Variants in DNAH6 observed in about 807,000 individuals in gnomAD.
DNAH6 encodes dynein axonemal heavy chain 6, also known as axonemal beta dynein heavy chain 6.
In DNAH6, 340 loss-of-function variants were observed where a neutral mutation model predicts 491.4. The observed-to-expected ratio is 0.69, with a 90% CI of 0.63 to 0.76. The LOEUF (loss-of-function observed/expected upper bound fraction) is 0.76, where lower values mean the gene tolerates loss of function less well. Ranked by LOEUF, DNAH6 falls within the 30% of genes least tolerant of loss-of-function variation. The pLI is 0.00. For missense variants in DNAH6, 4,443 were observed against 4,972.2 expected (o/e 0.89, Z 3.20); for synonymous variants, 1,603 against 1,686.1 (o/e 0.95, Z 1.21).
intron 70 of DNAH6, among the ~76,000 whole-genome samples, chr2:84,799,621 C>T (rs182044675): frequency 9.1e-4 from 139 of 152,368 alleles, no homozygotes; most frequent in Non-Finnish European, 1.8e-3. Flanking sequence ...ACATACTCCA[C>T]AACTCACTCT....
chr2:84,751,553 G>A (rs940535409), intron 63 of DNAH6, among the ~76,000 whole-genome samples: 11 of 152,268 alleles, frequency 7.2e-5, no homozygotes, highest in African/African-American at 2.4e-4. Flanking sequence ...ACTGCAACAG[G>A]AAATAGAATG....
chr2:84,516,193 A>T (rs1376009339), upstream of DNAH6, among the ~76,000 whole-genome samples: 1 of 152,196 alleles, frequency 6.6e-6, no homozygotes, highest in Non-Finnish European at 1.5e-5. Context: ...TTCCTGTAAG[A>T]GGTTGAGATG....
intron 41 of DNAH6, among the ~76,000 whole-genome samples, chr2:84,680,585 G>A (rs1286907380): frequency 6.6e-6 from 1 of 151,996 alleles, no homozygotes; most frequent in Non-Finnish European, 1.5e-5. Flanking sequence ...CCTGAGGTGG[G>A]AAGGAGTGTG....
chr2:84,481,506 C>T, the DNAH6 span, among the ~76,000 whole-genome samples: 3 of 152,302 alleles, frequency 2.0e-5, no homozygotes, highest in Non-Finnish European at 2.9e-5. Flanking sequence ...ATCAACAGTT[C>T]GGAACTCAGA....
At chr2:84,711,139 G>A (rs1697005269) in intron 56 of DNAH6, among the ~76,000 whole-genome samples, 1 of 152,096 alleles carries the variant, frequency 6.6e-6, no homozygotes, top group Admixed American at 6.6e-5. Flanking sequence ...GGTAAAGAGG[G>A]GGCTGGGATA....
chr2:84,801,107 G>T (rs1678854776), intron 70 of DNAH6, among the ~76,000 whole-genome samples: 2 of 98,886 alleles, frequency 2.0e-5, no homozygotes, highest in Non-Finnish European at 1.9e-5. Context: ...GGGGTGGGGG[G>T]AGGGGGGAGG....
intron 63 of DNAH6, among the ~76,000 whole-genome samples, chr2:84,749,096 T>C (rs1449496929): frequency 6.6e-6 from 1 of 152,216 alleles, no homozygotes; most frequent in Non-Finnish European, 1.5e-5. Context: ...TCCACCTCCA[T>C]GACCCAAACA....
intron 74 of DNAH6, 138 bp downstream of exon 74, chr2:84,813,268 C>A: frequency 1.5e-6 from 1 of 667,748 alleles, no homozygotes; most frequent in South Asian, 1.9e-5. Flanking sequence ...CTAACAAGGT[C>A]GTGCTCTTCC....
Position 84,812,289 on chromosome 2 carries a change from C to T in DNAH6, c.11740-52C>T. ...TGCTGTCATTAATGTGTGTCACTGA[C>T]ACTGGATAATGACATCTGCAAAGGC... On this transcript the variant is annotated intron_variant, in intron 72 of 76. Transcript: ENST00000389394. 5 of 1,492,122 alleles carry T rather than the reference C, an allele frequency of 3.4e-6. No homozygotes were observed. In the South Asian group the frequency reaches 6.5e-5, roughly 19 times the overall value. The allele number at this position is 1,492,122 out of a possible 1,614,324, so 92.4% of individuals were successfully genotyped here.
chr2:84,784,657 A>G, intron 65 of DNAH6, 65 bp from the exon 66 acceptor site: 1 of 972,608 alleles, frequency 1.0e-6, no homozygotes, highest in Non-Finnish European at 1.6e-6. Flanking sequence ...ATCATGTCTT[A>G]TAGAAAAGTG....
intron 4 of DNAH6, among the ~76,000 whole-genome samples, chr2:84,531,175 G>A (rs1380498565): frequency 6.6e-6 from 1 of 152,118 alleles, no homozygotes; most frequent in East Asian, 1.9e-4. Flanking sequence ...TTTCTGATTA[G>A]CCTTTCCAAA....
chr2:84,643,082 A>G (rs1158878476), intron 33 of DNAH6, among the ~76,000 whole-genome samples: 1 of 152,034 alleles, frequency 6.6e-6, no homozygotes, highest in Non-Finnish European at 1.5e-5. Context: ...AATTTTCTCA[A>G]TGTTTATTTG....
At chr2:84,488,714 A>T in the DNAH6 span, among the ~76,000 whole-genome samples, 1 of 152,166 alleles carries the variant, frequency 6.6e-6, no homozygotes, top group Non-Finnish European at 1.5e-5. Context: ...CAAGATCCTT[A>T]CTTTAATCAC....
At chr2:84,493,113 G>A in the DNAH6 span, among the ~76,000 whole-genome samples, 3 of 151,780 alleles carry the variant, frequency 2.0e-5, no homozygotes, top group Non-Finnish European at 4.4e-5. Flanking sequence ...TATTTTAAAG[G>A]GGCATGGCTA....
intron 40 of DNAH6, among the ~76,000 whole-genome samples, chr2:84,673,046 CAG>C (rs1346943838): frequency 3.3e-5 from 5 of 152,044 alleles, no homozygotes; most frequent in Admixed American, 1.3e-4. Flanking sequence ...ATTTCTAATG[CAG>C]AGTGGTGAGA....
chr2:84,533,191 A>G (rs546798533), intron 4 of DNAH6, among the ~76,000 whole-genome samples: 2 of 152,166 alleles, frequency 1.3e-5, no homozygotes, highest in South Asian at 4.1e-4. Context: ...CCAACAGTAA[A>G]CCTCATTTTT....
At chr2:84,610,653 C>T (rs1262697101) in intron 21 of DNAH6, among the ~76,000 whole-genome samples, 1 of 152,156 alleles carries the variant, frequency 6.6e-6, no homozygotes, top group Non-Finnish European at 1.5e-5. Context: ...TTTAGCTTGA[C>T]TTAATTATGT....
At position 84,642,066 on chromosome 2, in the gene DNAH6, G is replaced by A. The variant is rs1249711947; in HGVS notation, c.5078+12G>A. 3.3e-6 allele frequency: 5 copies of A among 1,517,304 alleles called. No homozygotes were observed. The African/African-American group carries it at 4.1e-5, about 13-fold the overall frequency. 94.0% of individuals were successfully genotyped at this position (1,517,304 alleles called of 1,614,324 possible). A position where few individuals can be genotyped will look rare whatever the true frequency, so the allele number is the denominator to read the frequency against. On this transcript the variant is annotated intron_variant, in intron 33 of 76. Coordinates refer to ENST00000389394, the MANE Select transcript of DNAH6 (RefSeq NM_001370.2). ...GCTCTTCTGTTCAGGTAAGTTTGTA[G>A]ACATTACCAAGTAAAGCATGGCTAT...
intron 63 of DNAH6, among the ~76,000 whole-genome samples, chr2:84,761,789 T>TACACACACACACACACACACACACAC (rs35707461): frequency 7.1e-6 from 1 of 141,784 alleles, no homozygotes; most frequent in African/African-American, 2.6e-5. Context: ...CACACACACA[T>TACACACACACACACACACACACACAC]ACACACACAC....
Sources: gnomAD v4.1 joint callset for allele counts (sites outside exome capture counted in the v4.1 genomes callset) on GRCh38, gnomAD v4.1.1 for gene constraint, MANE v1.5 for transcripts, NCBI Gene and HGNC (gene_info 2026-07-23, HGNC 2026-07-21) for gene names.